ABCC4: variants seen among roughly 807,000 people sequenced by gnomAD.
ABCC4 encodes ATP-binding cassette sub-family C member 4.
A neutral mutation model predicts 168.5 loss-of-function variants in ABCC4; 102 were observed. The observed-to-expected ratio is 0.61, with a 90% CI of 0.52 to 0.71. ABCC4 has a LOEUF of 0.71. Among genes scored for constraint, ABCC4 ranks in the 30% least tolerant of loss-of-function variants. ABCC4 has a pLI of 0.00. For synonymous variants in ABCC4, 617 were observed against 590.7 expected (o/e 1.04, Z -0.65); for missense variants, 1,402 against 1,605.8 (o/e 0.87, Z 2.17).
intron 19 of ABCC4, among the ~76,000 whole-genome samples, chr13:95,138,921 G>A (rs991908506): frequency 3.4e-4 from 51 of 152,200 alleles, no homozygotes; most frequent in African/African-American, 1.2e-3. Flanking sequence ...TACCTCCAGG[G>A]CTGCTGTAAC....
At chr13:95,026,745 C>T (rs2031565231) in intron 30 of ABCC4, among the ~76,000 whole-genome samples, 3 of 151,870 alleles carry the variant, frequency 2.0e-5, no homozygotes. Flanking sequence ...AAAAATTAGC[C>T]AGGTATGGTG....
chr13:95,157,845 G>T lies in ABCC4; in HGVS notation c.2455+3344C>A, dbSNP rs902665648. 5.9e-5 allele frequency among the ~76,000 whole-genome samples: 9 copies of T among 151,962 alleles called. 1 individual carries two copies. The highest frequency in any genetic ancestry group is 2.1e-4 in the South Asian group (1 of 4,816). ...CCACCACTTTGGGAGGTGGAAGCGG[G>T]CAGATCACGAGGTCAGGAGATCGAG... On this transcript the variant is annotated intron_variant, in intron 19 of 30. Coordinates refer to ENST00000645237, the MANE Select transcript of ABCC4 (RefSeq NM_005845.5).
At chr13:95,068,723 C>T (rs1352500659) in intron 25 of ABCC4, among the ~76,000 whole-genome samples, 1 of 152,140 alleles carries the variant, frequency 6.6e-6, no homozygotes, top group African/African-American at 2.4e-5. Context: ...TAAGATGGAA[C>T]GATATCAATG....
In ABCC4 at chr13:95,159,661, G is replaced by A. The variant is rs192676906; in HGVS notation, c.2455+1528C>T. Among the ~76,000 whole-genome samples, 19 of 152,310 alleles carry A rather than the reference G, an allele frequency of 1.2e-4. No individual in the cohort carries two copies. In the East Asian group the frequency reaches 2.9e-3, roughly 23 times the overall value. ...AAATTAACTGGCAAAGTGGCGCAAC[G>A]TTACAGCTGTAATAGCGCAGAGGTC... is the stretch of plus-strand genomic sequence containing the variant. On this transcript the variant is annotated intron_variant, in intron 19 of 30. Transcript: ENST00000645237.
chr13:95,252,679 AAAAC>A (rs2040296654), intron 1 of ABCC4, among the ~76,000 whole-genome samples: 1 of 152,156 alleles, frequency 6.6e-6, no homozygotes, highest in South Asian at 2.1e-4. Context: ...TCTCAAAAAC[AAAAC>A]AAACAAACCA....
intron 13 of ABCC4, among the ~76,000 whole-genome samples, chr13:95,172,767 C>A (rs985649195): frequency 5.4e-5 from 8 of 147,538 alleles, no homozygotes; most frequent in African/African-American, 2.0e-4. Flanking sequence ...CCCATCTCTA[C>A]AAAAAAACAC....
At chr13:95,154,551 T>C (rs1482075671) in intron 19 of ABCC4, among the ~76,000 whole-genome samples, 1 of 152,236 alleles carries the variant, frequency 6.6e-6, no homozygotes, top group Non-Finnish European at 1.5e-5. Context: ...CCAGCATCAC[T>C]ACTGAATATT....
chr13:95,155,043 T>C (rs796695816), intron 19 of ABCC4, among the ~76,000 whole-genome samples: 6 of 152,136 alleles, frequency 3.9e-5, no homozygotes, highest in African/African-American at 1.2e-4. Context: ...ATCATGGAGG[T>C]TGCTTTCAGT....
intron 1 of ABCC4, among the ~76,000 whole-genome samples, chr13:95,281,427 T>C (rs1269572238): frequency 6.6e-6 from 1 of 151,826 alleles, no homozygotes; most frequent in Non-Finnish European, 1.5e-5. Flanking sequence ...TCATCTGGCA[T>C]TGAGAAACGA....
At chr13:95,229,120 C>A (rs1458769557) in intron 4 of ABCC4, among the ~76,000 whole-genome samples, 5 of 152,092 alleles carry the variant, frequency 3.3e-5, no homozygotes, top group Non-Finnish European at 7.3e-5. Context: ...GAGAACCACA[C>A]AGTATCACAT....
rs188301463 is a variant in ABCC4, at chr13:95,201,919, G to C, written c.1161+4613C>G. Among the ~76,000 whole-genome samples, 188 of 152,302 alleles carry C rather than the reference G, an allele frequency of 1.2e-3. 4 individuals carry two copies. The highest frequency in any genetic ancestry group is 2.1e-4 in the Non-Finnish European group (14 of 68,038). On this transcript the variant is annotated intron_variant, in intron 8 of 30. Transcript: ENST00000645237. Reference sequence around the variant, plus strand: ...ACCCGGGAAGTAGAGGTTGCAGTGAGCTGAGATCGTGCCACTGCACTCCAG... The same window carrying C: ...ACCCGGGAAGTAGAGGTTGCAGTGACCTGAGATCGTGCCACTGCACTCCAG...
intron 25 of ABCC4, among the ~76,000 whole-genome samples, chr13:95,065,320 G>A (rs1217786616): frequency 6.6e-6 from 1 of 152,188 alleles, no homozygotes; most frequent in Admixed American, 6.5e-5. Flanking sequence ...ATCAGTGCAA[G>A]TGAATTCGAA....
intron 1 of ABCC4, among the ~76,000 whole-genome samples, chr13:95,283,858 A>T (rs923751661): frequency 3.5e-5 from 5 of 143,562 alleles, no homozygotes; most frequent in African/African-American, 1.3e-4. Context: ...AGATCTCGTC[A>T]TTGCACTCCA....
chr13:95,073,199 A>T lies in ABCC4; in HGVS notation c.3018+5T>A. 1.2e-6 allele frequency: 2 copies of T among 1,609,884 alleles called. No homozygotes were observed. The highest frequency in any genetic ancestry group is 1.7e-6 in the Non-Finnish European group (2 of 1,176,484). ...AAAGGCAAAGAACGTGAAGGTAAAT[A>T]TTACCATATTCTCAACTTCAGCACT... On this transcript the variant is annotated splice_donor_5th_base_variant and intron_variant, in intron 24 of 30. Coordinates refer to ENST00000645237, the MANE Select transcript of ABCC4 (RefSeq NM_005845.5).
intron 4 of ABCC4, among the ~76,000 whole-genome samples, chr13:95,225,151 T>TCACA (rs749060333): frequency 2.9e-4 from 9 of 30,630 alleles, no homozygotes; most frequent in Admixed American, 7.6e-4. Flanking sequence ...TCTCTCTCTC[T>TCACA]CTCACACACA....
intron 1 of ABCC4, among the ~76,000 whole-genome samples, chr13:95,269,992 T>G (rs143345960): frequency 1.1e-3 from 175 of 152,338 alleles, no homozygotes; most frequent in African/African-American, 4.1e-3. Context: ...GTTGACAGAC[T>G]GGTATTCAGG....
intron 11 of ABCC4, among the ~76,000 whole-genome samples, chr13:95,183,531 A>G (rs2037966503): frequency 6.6e-6 from 1 of 152,130 alleles, no homozygotes; most frequent in South Asian, 2.1e-4. Flanking sequence ...ATGGTAGCAA[A>G]ATTTCTTGGA....
At chr13:95,176,509 A>ATAC (rs2037708543) in intron 13 of ABCC4, among the ~76,000 whole-genome samples, 1 of 152,120 alleles carries the variant, frequency 6.6e-6, no homozygotes, top group Admixed American at 6.6e-5. Context: ...AAAAATAATA[A>ATAC]TAAAATAGAT....
intron 3 of ABCC4, among the ~76,000 whole-genome samples, chr13:95,237,422 C>G (rs1470718933): frequency 1.3e-5 from 2 of 152,218 alleles, no homozygotes; most frequent in African/African-American, 4.8e-5. Flanking sequence ...CACATAAATT[C>G]TCCACCTTAG....
Sources: allele counts gnomAD v4.1 joint callset (sites outside exome capture counted in the v4.1 genomes callset), GRCh38; gene constraint gnomAD v4.1.1; transcripts MANE v1.5; gene names NCBI Gene and HGNC (gene_info 2026-07-23, HGNC 2026-07-21).